Variants in KSR1 observed in about 807,000 individuals in gnomAD.
KSR1 encodes kinase suppressor of ras 1, also known as kinase suppressor of ras.
KSR1 carries 35 observed loss-of-function variants against 92.9 expected under a neutral mutation model. That is an observed-to-expected ratio of 0.38 (90% CI 0.29 to 0.50). The LOEUF is 0.50. Among genes scored for constraint, KSR1 ranks in the 20% least tolerant of loss-of-function variants. The probability of loss-of-function intolerance (pLI) is 0.94; values close to 1 mark genes in which losing one functional copy is unlikely to be tolerated. For missense variants in KSR1, 972 were observed against 1,158.5 expected, an observed-to-expected ratio of 0.84 and a Z score of 2.34; for synonymous variants, 467 against 472.6, an observed-to-expected ratio of 0.99 and a Z score of 0.15.
chr17:27,555,073 A>G (rs999403450), intron 2 of KSR1, among the ~76,000 whole-genome samples: 23 of 152,140 alleles, frequency 1.5e-4, no homozygotes, highest in African/African-American at 5.3e-4. Context: ...CTTTTCTGGG[A>G]TCAATCCAGG....
intron 1 of KSR1, among the ~76,000 whole-genome samples, chr17:27,486,631 G>A (rs897862080): frequency 5.9e-5 from 9 of 152,290 alleles, no homozygotes; most frequent in South Asian, 4.1e-4. Context: ...TTCAAAGCTC[G>A]GAGTGCCAAC....
intron 4 of KSR1, 98 bp from the exon 5 acceptor site, chr17:27,585,559 C>G: frequency 1.4e-6 from 1 of 719,198 alleles, no homozygotes; most frequent in Non-Finnish European, 2.6e-6. Context: ...GTCCTACGTC[C>G]CAGCCCCTTG....
At position 27,597,407 on chromosome 17, in the gene KSR1, G is replaced by T. The variant is rs766169091; in HGVS notation, c.1439G>T (p.Gly480Val). 6.2e-7 allele frequency: 1 copy of T among 1,611,062 alleles called. No homozygotes were observed. Among genetic ancestry groups the T allele is most frequent in the Non-Finnish European group, 8.5e-7 (1 of 1,178,160 alleles). Residue 480 changes from glycine to valine, a missense_variant, in exon 10 of 21, where the codon GGC becomes GTC. Coordinates refer to ENST00000644974, the MANE Select transcript of KSR1 (RefSeq NM_001394583.1). The part of the protein sequence containing the change: ...SATTPPNPSP[G>V]QRDSRFNFPA... ...ACCACGCCCCCCAACCCCTCACCTG[G>T]CCAGCGGGACAGCAGGTTCAACTTC...
intron 2 of KSR1, among the ~76,000 whole-genome samples, chr17:27,571,184 G>A (rs1432311134): frequency 6.6e-6 from 1 of 152,182 alleles, no homozygotes; most frequent in Non-Finnish European, 1.5e-5. Flanking sequence ...GGGGTAGTGA[G>A]GAGGCTGGGC....
chr17:27,611,674 G>C (rs568634150), intron 18 of KSR1, 45 bp downstream of exon 18: 5 of 1,610,762 alleles, frequency 3.1e-6, no homozygotes, highest in Admixed American at 3.3e-5. Context: ...CTGGAGGTGG[G>C]GTGGGGCATG....
intron 1 of KSR1, among the ~76,000 whole-genome samples, chr17:27,495,562 C>T (rs1241108052): frequency 6.6e-6 from 1 of 152,136 alleles, no homozygotes; most frequent in Admixed American, 6.5e-5. Context: ...AGGAGGGAGG[C>T]TTGGAGATCA....
intron 11 of KSR1, 77 bp from the exon 12 acceptor site, chr17:27,603,757 C>T: frequency 6.8e-7 from 1 of 1,467,158 alleles, no homozygotes; most frequent in Non-Finnish European, 9.5e-7. Context: ...TCTGGGGGTG[C>T]TGGGTTTCAA....
chr17:27,517,544 C>T (rs910621524), intron 1 of KSR1, among the ~76,000 whole-genome samples: 8 of 152,234 alleles, frequency 5.3e-5, no homozygotes, highest in African/African-American at 1.7e-4. Flanking sequence ...AATCCGCCCA[C>T]CTTGGCCTCC....
At chr17:27,506,705 A>G (rs2069398205) in intron 1 of KSR1, among the ~76,000 whole-genome samples, 1 of 91,316 alleles carries the variant, frequency 1.1e-5, no homozygotes, top group Admixed American at 1.7e-4. Context: ...CCCAAGCTGC[A>G]TTTTTCTGTG....
At chr17:27,564,850 A>G (rs969614219) in intron 2 of KSR1, among the ~76,000 whole-genome samples, 3 of 149,800 alleles carry the variant, frequency 2.0e-5, no homozygotes, top group African/African-American at 7.4e-5. Context: ...TCCCTCAGAG[A>G]TGATTTGTCA....
At chr17:27,515,440 C>A (rs758006840) in intron 1 of KSR1, among the ~76,000 whole-genome samples, 13 of 152,092 alleles carry the variant, frequency 8.5e-5, no homozygotes, top group East Asian at 1.9e-4. Flanking sequence ...CGTTACACGC[C>A]GCATGACTGT....
chr17:27,597,830 A>T (rs533925559), intron 10 of KSR1, among the ~76,000 whole-genome samples: 73 of 152,312 alleles, frequency 4.8e-4, no homozygotes, highest in African/African-American at 1.7e-3. Flanking sequence ...GGGAGCTAGA[A>T]GGCCTCAGGG....
chr17:27,611,469 C>G (rs765188442), intron 17 of KSR1, 25 bp from the exon 18 acceptor site: 4 of 1,613,704 alleles, frequency 2.5e-6, no homozygotes, highest in Non-Finnish European at 3.4e-6. Flanking sequence ...CCCAGGAGCT[C>G]ACAGACATGG....
chr17:27,488,061 G>A (rs2068720030), intron 1 of KSR1, among the ~76,000 whole-genome samples: 3 of 152,204 alleles, frequency 2.0e-5, no homozygotes, highest in Admixed American at 1.3e-4. Flanking sequence ...CTGCCTCCCA[G>A]TGTCCCTGGT....
At chr17:27,622,333 C>G (rs1348689653) in intron 20 of KSR1, 1 of 208,236 alleles carries the variant, frequency 4.8e-6, no homozygotes, top group Non-Finnish European at 9.5e-6. Context: ...AGCACACCAG[C>G]CTCCCACTGG....
rs1359458470 is a variant in KSR1 at position 27,559,814 on chromosome 17, C to G, written c.372+9106C>G. ...GACCCTGAGGATGAGGAAATCAGAG[C>G]GCTTGTGAAGCGCGTGAGGAGGAGT... On this transcript the variant is annotated intron_variant, in intron 2 of 20. Coordinates refer to ENST00000644974, the MANE Select transcript of KSR1 (RefSeq NM_001394583.1). The surrounding 1 kb of genome is among the most constrained non-coding windows in gnomAD (Gnocchi z 4.2). Among the ~76,000 whole-genome samples the G allele has an allele frequency of 2.0e-5, 3 of 152,166 alleles. No homozygotes were observed. Among genetic ancestry groups the G allele is most frequent in the Non-Finnish European group, 4.4e-5 (3 of 68,024 alleles).
intron 17 of KSR1, 164 bp from the exon 18 acceptor site, chr17:27,611,330 G>A: frequency 1.3e-6 from 1 of 783,076 alleles, no homozygotes; most frequent in South Asian, 1.9e-5. Context: ...CTCTAGGGCT[G>A]GGAGGAGCCT....
chr17:27,542,438 G>A (rs1042152034), intron 1 of KSR1, among the ~76,000 whole-genome samples: 2 of 152,182 alleles, frequency 1.3e-5, no homozygotes, highest in Non-Finnish European at 2.9e-5. Flanking sequence ...AGAGGGTCCT[G>A]TGGCAGCCAA....
intron 1 of KSR1, among the ~76,000 whole-genome samples, chr17:27,540,283 G>T (rs1028996665): frequency 2.8e-4 from 43 of 152,238 alleles, no homozygotes; most frequent in African/African-American, 1.0e-3. Flanking sequence ...AGCTCGTTTT[G>T]TCTCAGCCTG....
Sources: allele counts gnomAD v4.1 joint callset (sites outside exome capture counted in the v4.1 genomes callset), GRCh38; gene constraint gnomAD v4.1.1; non-coding constraint Gnocchi (gnomAD v3.1); transcripts MANE v1.5; gene names NCBI Gene and HGNC (gene_info 2026-07-23, HGNC 2026-07-21).